The following RARB variants were observed in gnomAD, a reference collection of about 807,000 sequenced individuals.
RARB encodes HBV-activated protein.
RARB carries 17 observed loss-of-function variants against 51.9 expected under a neutral mutation model. The ratio of observed to expected loss-of-function variants is 0.33; its 90% CI spans 0.22 to 0.49. The LOEUF (loss-of-function observed/expected upper bound fraction) is 0.49, where lower values mean the gene tolerates loss of function less well. Ranked by LOEUF, RARB falls within the 20% of genes least tolerant of loss-of-function variation. RARB has a pLI of 0.99. For missense variants in RARB, 369 were observed against 550.8 expected (o/e 0.67, Z 3.30); for synonymous variants, 215 against 195.4 (o/e 1.10, Z -0.84).
At chr3:25,300,602 C>G (rs914617968) in intron 5 of RARB, among the ~76,000 whole-genome samples, 4 of 152,084 alleles carry the variant, frequency 2.6e-5, no homozygotes, top group African/African-American at 4.8e-5. Flanking sequence ...GATCATAAAG[C>G]CTTTAAAAGG....
intron 3 of RARB, among the ~76,000 whole-genome samples, chr3:25,535,484 A>C (rs1699103550): frequency 6.6e-6 from 1 of 150,832 alleles, no homozygotes; most frequent in African/African-American, 2.4e-5. Flanking sequence ...ATAGGTATAC[A>C]CGTGCCATGG....
chr3:25,118,317 A>AACC (rs1699724779), intron 3 of RARB, among the ~76,000 whole-genome samples: 1 of 152,114 alleles, frequency 6.6e-6, no homozygotes, highest in East Asian at 1.9e-4. Flanking sequence ...CATCAGGTTC[A>AACC]ACCTGATGTG....
chr3:25,156,948 A>G (rs1420174867), intron 4 of RARB, among the ~76,000 whole-genome samples: 2 of 152,260 alleles, frequency 1.3e-5, no homozygotes, highest in East Asian at 3.8e-4. Flanking sequence ...AGGTCAGGCT[A>G]GAGATCGTAG....
At chr3:25,326,801 C>T (rs1205780741) in intron 5 of RARB, among the ~76,000 whole-genome samples, 2 of 150,604 alleles carry the variant, frequency 1.3e-5, no homozygotes, top group East Asian at 4.0e-4. Flanking sequence ...GAAACACTCA[C>T]AAAATGTAGG....
Position 25,578,800 on chromosome 3 carries a change from A to T in RARB, c.610-1746A>T, listed in dbSNP as rs998940197. 2.6e-5 allele frequency among the ~76,000 whole-genome samples: 4 copies of T among 152,244 alleles called. No homozygotes were observed. In the South Asian group the frequency reaches 8.3e-4, roughly 32 times the overall value. On this transcript the variant is annotated intron_variant, in intron 4 of 7. Transcript: ENST00000330688. Reference sequence around the variant, plus strand: ...AACTCTTCTTTCTGGCTTTCCATGCAGACGTTCAAAGCAAGAGCTAGTTTT... The same window carrying T: ...AACTCTTCTTTCTGGCTTTCCATGCTGACGTTCAAAGCAAGAGCTAGTTTT...
intron 5 of RARB, among the ~76,000 whole-genome samples, chr3:25,259,335 C>A (rs1178219106): frequency 6.6e-6 from 1 of 151,936 alleles, no homozygotes; most frequent in African/African-American, 2.4e-5. Flanking sequence ...TCTATCTGGC[C>A]AATGATATGT....
At chr3:25,453,423 T>C (rs913482939) in intron 1 of RARB, among the ~76,000 whole-genome samples, 10 of 151,914 alleles carry the variant, frequency 6.6e-5, no homozygotes, top group Admixed American at 4.6e-4. Context: ...AATTTTGTAT[T>C]TTTAGTAGAG....
intron 5 of RARB, among the ~76,000 whole-genome samples, chr3:25,323,298 C>T (rs1704624326): frequency 6.6e-6 from 1 of 152,196 alleles, no homozygotes; most frequent in Admixed American, 6.5e-5. Flanking sequence ...GGAGGAATGG[C>T]ACAGCCACAT....
intron 5 of RARB, among the ~76,000 whole-genome samples, chr3:25,378,122 G>A (rs1229917234): frequency 6.6e-6 from 1 of 152,126 alleles, no homozygotes; most frequent in East Asian, 1.9e-4. Flanking sequence ...TCTTAACAAT[G>A]ACAATTAAAA....
chr3:25,301,472 C>T (rs11922476), intron 5 of RARB, among the ~76,000 whole-genome samples: 3,687 of 152,258 alleles, frequency 0.024, 126 homozygotes, highest in African/African-American at 0.08. Flanking sequence ...CTCGTTATAA[C>T]CATAAGGTCC....
At chr3:25,088,572 A>G (rs539855614) in intron 3 of RARB, among the ~76,000 whole-genome samples, 51 of 152,268 alleles carry the variant, frequency 3.3e-4, no homozygotes, top group African/African-American at 1.2e-3. Context: ...CATATACCCA[A>G]TGGGAGGCCA....
chr3:25,261,456 T>C (rs1258140150), intron 5 of RARB, among the ~76,000 whole-genome samples: 1 of 152,120 alleles, frequency 6.6e-6, no homozygotes, highest in Non-Finnish European at 1.5e-5. Flanking sequence ...AGGTTCTATT[T>C]TCAGCCTATC....
intron 5 of RARB, among the ~76,000 whole-genome samples, chr3:25,328,379 G>A (rs1704786872): frequency 1.3e-5 from 2 of 152,314 alleles, no homozygotes; most frequent in South Asian, 4.1e-4. Flanking sequence ...AATTAGCTGA[G>A]CATGGTGGTG....
At chr3:25,472,973 A>G (rs1695770575) in intron 2 of RARB, among the ~76,000 whole-genome samples, 1 of 152,220 alleles carries the variant, frequency 6.6e-6, no homozygotes, top group Admixed American at 6.5e-5. Flanking sequence ...CTGGAAACAG[A>G]TCACTCCATG....
intron 3 of RARB, among the ~76,000 whole-genome samples, chr3:25,129,265 T>C (rs527940670): frequency 6.6e-6 from 1 of 152,096 alleles, no homozygotes; most frequent in Non-Finnish European, 1.5e-5. Flanking sequence ...TTAGAACCCA[T>C]GATTTCTCTT....
chr3:24,862,358 G>T (rs1331509053), intron 2 of RARB, among the ~76,000 whole-genome samples: 4 of 152,196 alleles, frequency 2.6e-5, no homozygotes, highest in Admixed American at 2.6e-4. Flanking sequence ...CCAAAGAGGT[G>T]GGTGAAGTTT....
intron 5 of RARB, among the ~76,000 whole-genome samples, chr3:25,286,074 G>C (rs1030304265): frequency 8.6e-5 from 12 of 139,854 alleles, no homozygotes; most frequent in Non-Finnish European, 1.4e-4. Flanking sequence ...TGCTAGTCTT[G>C]ATCTTTCTCT....
At chr3:25,501,502 C>G (rs887157161) in intron 3 of RARB, among the ~76,000 whole-genome samples, 179 bp downstream of exon 3, 1 of 152,108 alleles carries the variant, frequency 6.6e-6, no homozygotes, top group Non-Finnish European at 1.5e-5. Context: ...ACTTGAGTGA[C>G]AGTTGGTGGA....
intron 5 of RARB, among the ~76,000 whole-genome samples, chr3:25,336,889 C>G (rs949034116): frequency 2.0e-5 from 3 of 152,120 alleles, no homozygotes; most frequent in Non-Finnish European, 2.9e-5. Flanking sequence ...GTGCTCCTCT[C>G]AGAACAGGGT....
Sources: allele counts gnomAD v4.1 joint callset (sites outside exome capture counted in the v4.1 genomes callset), GRCh38; gene constraint gnomAD v4.1.1; transcripts MANE v1.5; gene names NCBI Gene and HGNC (gene_info 2026-07-23, HGNC 2026-07-21).